The following RFX8 variants were observed in gnomAD, a reference collection of about 807,000 sequenced individuals.
The protein encoded by RFX8 is DNA-binding protein RFX8.
In RFX8, 46 loss-of-function variants were observed where a neutral mutation model predicts 54.6. That is an observed-to-expected ratio of 0.84 (90% confidence interval 0.67 to 1.08). The LOEUF is 1.08. RFX8 is among the 50% of genes least tolerant of loss of function. The pLI, the probability that RFX8 is intolerant of heterozygous loss-of-function variation, is 0.00. For synonymous variants in RFX8, 192 were observed against 209.5 expected, an observed-to-expected ratio of 0.92 and a Z score of 0.72; for missense variants, 536 against 562.3, an observed-to-expected ratio of 0.95 and a Z score of 0.47.
chr2:101,413,345 C>T (rs1423136728), intron 7 of RFX8, among the ~76,000 whole-genome samples: 1 of 152,184 alleles, frequency 6.6e-6, no homozygotes, highest in Non-Finnish European at 1.5e-5. Flanking sequence ...CCACAATCGC[C>T]CCACGCCCAA....
intron 2 of RFX8, among the ~76,000 whole-genome samples, chr2:101,440,575 G>A (rs750239430): frequency 1.3e-5 from 2 of 152,176 alleles, no homozygotes; most frequent in Non-Finnish European, 1.5e-5. Context: ...GATCCCTCAT[G>A]GGGGAGGGGA....
intron 2 of RFX8, chr2:101,434,752 T>C (rs6713868): frequency 0.73 from 111,427 of 151,774 alleles, 42,334 homozygotes; most frequent in Middle Eastern, 0.89. Flanking sequence ...ACATATTTTT[T>C]AGCATTAGCA....
At position 101,397,507 on chromosome 2, in the gene RFX8, A is replaced by C; in HGVS notation, c.*41T>G. Reference sequence around the variant, plus strand: ...TAGTATTTAATATTTTTAAGAATGCAAGTCTATCAGTTTTCTTATTCTCTA... The same window carrying C: ...TAGTATTTAATATTTTTAAGAATGCCAGTCTATCAGTTTTCTTATTCTCTA... On this transcript the variant is annotated 3_prime_UTR_variant, in exon 12 of 12. Transcript: ENST00000428343. The C allele has an allele frequency of 7.5e-7, 1 of 1,332,134 alleles. No individual in the cohort carries two copies. Among genetic ancestry groups the C allele is most frequent in the East Asian group, 2.5e-5 (1 of 39,218 alleles). The allele number at this position is 1,332,134 out of a possible 1,614,324, so 82.5% of individuals were successfully genotyped here.
chr2:101,399,836 T>C (rs1685331200), intron 11 of RFX8, among the ~76,000 whole-genome samples: 1 of 152,170 alleles, frequency 6.6e-6, no homozygotes, highest in Non-Finnish European at 1.5e-5. Flanking sequence ...CCTTATCAGA[T>C]TTGAAGGTAT....
At chr2:101,428,888 G>T in intron 2 of RFX8, 2 of 958,832 alleles carry the variant, frequency 2.1e-6, no homozygotes, top group Non-Finnish European at 3.2e-6. Context: ...CAGCTGGATC[G>T]AATTAAGCAA....
intron 2 of RFX8, among the ~76,000 whole-genome samples, chr2:101,430,536 G>A (rs1312064714): frequency 6.6e-6 from 1 of 152,180 alleles, no homozygotes; most frequent in Non-Finnish European, 1.5e-5. Flanking sequence ...AAGACACAGC[G>A]AGAAGGCGGC....
intron 2 of RFX8, among the ~76,000 whole-genome samples, chr2:101,453,070 C>A (rs1214335473): frequency 9.6e-6 from 1 of 103,760 alleles, no homozygotes; most frequent in East Asian, 2.5e-4. Context: ...CGAGATCGCA[C>A]CACTGCACTC....
intron 2 of RFX8, among the ~76,000 whole-genome samples, chr2:101,431,968 T>C (rs1191934160): frequency 6.6e-6 from 1 of 152,172 alleles, no homozygotes; most frequent in East Asian, 1.9e-4. Flanking sequence ...TGTTACCTTT[T>C]AGCATTTAAT....
At chr2:101,457,056 C>T (rs976096118) in intron 2 of RFX8, among the ~76,000 whole-genome samples, 3 of 152,160 alleles carry the variant, frequency 2.0e-5, no homozygotes, top group Non-Finnish European at 1.5e-5. Context: ...ATGATATCCC[C>T]TTTATCATTG....
intron 2 of RFX8, among the ~76,000 whole-genome samples, chr2:101,446,239 G>C (rs930246940): frequency 1.3e-5 from 2 of 152,068 alleles, no homozygotes; most frequent in Non-Finnish European, 2.9e-5. Flanking sequence ...GCAGTGGCGT[G>C]ATCTCAGCTC....
chr2:101,417,771 C>A, intron 5 of RFX8, 87 bp from the exon 6 acceptor site: 1 of 1,166,610 alleles, frequency 8.6e-7, no homozygotes, highest in South Asian at 1.8e-5. Flanking sequence ...CAGGGCGGGT[C>A]TCAAGAAGTC....
chr2:101,408,214 G>A (rs1390819600), intron 9 of RFX8, among the ~76,000 whole-genome samples: 4 of 152,084 alleles, frequency 2.6e-5, no homozygotes, highest in South Asian at 2.1e-4. Context: ...GGCCGGGCGC[G>A]GTGGCTCACG....
chr2:101,459,587 C>T (rs1310171072), intron 2 of RFX8, among the ~76,000 whole-genome samples: 1 of 152,158 alleles, frequency 6.6e-6, no homozygotes, highest in Non-Finnish European at 1.5e-5. Context: ...ATATTGCTGC[C>T]TAATCCTTCC....
chr2:101,446,982 T>G (rs2148966433), intron 2 of RFX8, among the ~76,000 whole-genome samples: 1 of 152,320 alleles, frequency 6.6e-6, no homozygotes, highest in Admixed American at 6.5e-5. Flanking sequence ...CAATGTAACT[T>G]TTCCATCCCC....
chr2:101,407,172 T>C (rs980403477), intron 9 of RFX8, among the ~76,000 whole-genome samples: 1 of 152,216 alleles, frequency 6.6e-6, no homozygotes, highest in East Asian at 1.9e-4. Flanking sequence ...AGAACTTGGC[T>C]ACAAACAAAG....
chr2:101,436,026 T>TG (rs1362970623), intron 2 of RFX8, among the ~76,000 whole-genome samples: 1 of 152,088 alleles, frequency 6.6e-6, no homozygotes, highest in Admixed American at 6.5e-5. Context: ...ACCAGCGCCC[T>TG]GGTTCCCGGC....
intron 11 of RFX8, among the ~76,000 whole-genome samples, chr2:101,398,606 G>C (rs1260947254): frequency 6.6e-6 from 1 of 152,220 alleles, no homozygotes; most frequent in Non-Finnish European, 1.5e-5. Context: ...CAATTGGGAA[G>C]TAACAGATTC....
chr2:101,474,899 T>G lies in RFX8; in HGVS notation c.-316A>C, dbSNP rs1690231125. Among the ~76,000 whole-genome samples the G allele has an allele frequency of 1.3e-5, 2 of 152,092 alleles. No homozygotes were observed. The highest frequency in any genetic ancestry group is 4.1e-4 in the South Asian group (2 of 4,828). ...CTGTCTCTAGGAGTTTTGAAAAATCTCGGAGCTCTCTGGCAGGCGGGCGCA... is the reference window on the plus strand; with the variant it reads ...CTGTCTCTAGGAGTTTTGAAAAATCGCGGAGCTCTCTGGCAGGCGGGCGCA... On this transcript the variant is annotated 5_prime_UTR_variant, in exon 1 of 12. Coordinates refer to ENST00000428343, the MANE Select transcript of RFX8 (RefSeq NM_001145664.2).
At chr2:101,404,154 T>A (rs991398424) in intron 10 of RFX8, among the ~76,000 whole-genome samples, 3 of 152,342 alleles carry the variant, frequency 2.0e-5, no homozygotes, top group Admixed American at 2.0e-4. Flanking sequence ...AAGCCTTTTG[T>A]CCATTTCAAG....
Sources: gnomAD v4.1 joint callset for allele counts (sites outside exome capture counted in the v4.1 genomes callset) on GRCh38, gnomAD v4.1.1 for gene constraint, MANE v1.5 for transcripts, NCBI Gene and HGNC (gene_info 2026-07-23, HGNC 2026-07-21) for gene names.